The following NXPH1 variants were observed in gnomAD, a reference collection of about 807,000 sequenced individuals.
The protein encoded by NXPH1 is neurexophilin 1.
Under a neutral mutation model 23.7 loss-of-function variants are expected in NXPH1, and 5 were observed. The observed-to-expected ratio is 0.21, with a 90% CI of 0.11 to 0.44. NXPH1 has a LOEUF of 0.44. NXPH1 is among the 20% of genes least tolerant of loss of function. The pLI, the probability that NXPH1 is intolerant of heterozygous loss-of-function variation, is 0.99. For missense variants in NXPH1, 324 were observed against 321.6 expected, an observed-to-expected ratio of 1.01 and a Z score of -0.06; for synonymous variants, 144 against 122.2, an observed-to-expected ratio of 1.18 and a Z score of -1.18.
intron 2 of NXPH1, among the ~76,000 whole-genome samples, chr7:8,631,656 A>G (rs1384812222): frequency 6.6e-6 from 1 of 152,148 alleles, no homozygotes; most frequent in Non-Finnish European, 1.5e-5. Context: ...ATGTCCACGA[A>G]ATGACCACTT....
chr7:8,655,400 TTCTCTCTCTCTCTCTCTC>T (rs869162322), intron 2 of NXPH1, among the ~76,000 whole-genome samples: 134 of 42,892 alleles, frequency 3.1e-3, no homozygotes, highest in African/African-American at 7.2e-3. Context: ...GTCTTTGTCT[TTCTCTCTCTCTCTCTCTC>T]TCTCTCTCTC....
intron 2 of NXPH1, among the ~76,000 whole-genome samples, chr7:8,472,562 G>C (rs1278689513): frequency 3.9e-5 from 6 of 152,124 alleles, no homozygotes; most frequent in African/African-American, 1.4e-4. Flanking sequence ...AGAGACTCCA[G>C]GATCTGGATG....
chr7:8,647,757 A>T (rs2349503), intron 2 of NXPH1, among the ~76,000 whole-genome samples: 105,234 of 149,662 alleles, frequency 0.7, 37,795 homozygotes, highest in East Asian at 1. Flanking sequence ...TTAATCACTG[A>T]TTCAATTTTC....
intron 2 of NXPH1, among the ~76,000 whole-genome samples, chr7:8,471,998 A>T (rs976683795): frequency 6.6e-6 from 1 of 151,680 alleles, no homozygotes; most frequent in African/African-American, 2.4e-5. Context: ...GGCCATAAAA[A>T]TTTAAAATAT....
At position 8,537,959 on chromosome 7, in the gene NXPH1, C is replaced by T. The variant is rs561817907; in HGVS notation, c.54+102192C>T. Among the ~76,000 whole-genome samples the T allele has an allele frequency of 2.6e-5, 4 of 151,814 alleles. No homozygotes were observed. In the South Asian group the frequency reaches 6.2e-4, roughly 24 times the overall value. ...GTGTGAAAGGCGAGGGGAATGGAGCCCTATGATATGCTCCTCCATTTATAA... is the reference window on the plus strand; with the variant it reads ...GTGTGAAAGGCGAGGGGAATGGAGCTCTATGATATGCTCCTCCATTTATAA... On this transcript the variant is annotated intron_variant, in intron 2 of 2. Coordinates refer to ENST00000405863, the MANE Select transcript of NXPH1 (RefSeq NM_152745.3).
chr7:8,511,699 G>A (rs118154440), intron 2 of NXPH1, among the ~76,000 whole-genome samples: 5 of 152,066 alleles, frequency 3.3e-5, no homozygotes, highest in African/African-American at 1.2e-4. Context: ...TACTTTTCTG[G>A]CACCAGTATA....
chr7:8,454,067 C>T (rs1022134216), intron 2 of NXPH1, among the ~76,000 whole-genome samples: 1 of 145,068 alleles, frequency 6.9e-6, no homozygotes, highest in African/African-American at 2.7e-5. Context: ...TCCAGGAGAA[C>T]AACACACACT....
At chr7:8,739,438 C>T (rs1780323634) in intron 2 of NXPH1, among the ~76,000 whole-genome samples, 1 of 152,070 alleles carries the variant, frequency 6.6e-6, no homozygotes, top group Non-Finnish European at 1.5e-5. Flanking sequence ...GGTGAGGCAA[C>T]ACCCCACCCT....
rs145489895 is a variant in NXPH1 at position 8,668,955 on chromosome 7, G to C, written c.55-82053G>C. On this transcript the variant is annotated intron_variant, in intron 2 of 2. Transcript: ENST00000405863. ...CTGGAGCATGGGTCCATGGGGACTG[G>C]CATGAAGCCTGGGTCCTCTGGGGTT... Among the ~76,000 whole-genome samples, 158 of 151,996 alleles carry C rather than the reference G, an allele frequency of 1.0e-3. 3 individuals carry two copies. The highest frequency in any genetic ancestry group is 3.7e-3 in the African/African-American group (154 of 41,470).
intron 2 of NXPH1, among the ~76,000 whole-genome samples, chr7:8,516,010 T>A (rs1817681334): frequency 6.6e-6 from 1 of 152,078 alleles, no homozygotes; most frequent in Non-Finnish European, 1.5e-5. Context: ...TCTGTCTTAG[T>A]CATATATTTT....
intron 2 of NXPH1, among the ~76,000 whole-genome samples, chr7:8,482,290 C>T (rs1466436835): frequency 6.6e-6 from 1 of 152,182 alleles, no homozygotes; most frequent in South Asian, 2.1e-4. Context: ...CTGATTGTGC[C>T]TCAGTGAATG....
At chr7:8,610,191 AG>A (rs370493371) in intron 2 of NXPH1, among the ~76,000 whole-genome samples, 201 of 152,322 alleles carry the variant, frequency 1.3e-3, no homozygotes, top group African/African-American at 4.6e-3. Flanking sequence ...TAAGGGAAGT[AG>A]TAAATATTTT....
At chr7:8,743,945 A>G (rs1407460721) in intron 2 of NXPH1, among the ~76,000 whole-genome samples, 1 of 151,962 alleles carries the variant, frequency 6.6e-6, no homozygotes, top group Non-Finnish European at 1.5e-5. Context: ...CGGCCTCCCA[A>G]AGTGCTGGGA....
At chr7:8,617,027 G>T (rs1284978900) in intron 2 of NXPH1, among the ~76,000 whole-genome samples, 1 of 151,994 alleles carries the variant, frequency 6.6e-6, no homozygotes, top group East Asian at 1.9e-4. Flanking sequence ...TGAGAGCAGT[G>T]GTTCTCAACT....
At chr7:8,479,219 G>T (rs571254626) in intron 2 of NXPH1, among the ~76,000 whole-genome samples, 2 of 152,146 alleles carry the variant, frequency 1.3e-5, no homozygotes, top group East Asian at 3.9e-4. Flanking sequence ...TATTAAAGTG[G>T]GGATACAAAT....
intron 2 of NXPH1, among the ~76,000 whole-genome samples, chr7:8,655,641 ATTATTG>A (rs1820569825): frequency 6.6e-6 from 1 of 151,692 alleles, no homozygotes; most frequent in Non-Finnish European, 1.5e-5. Flanking sequence ...ATTATTGTTG[ATTATTG>A]AAAGATTTTC....
chr7:8,448,147 T>TAACTTCTC (rs1264034157), intron 2 of NXPH1, among the ~76,000 whole-genome samples: 1 of 152,226 alleles, frequency 6.6e-6, no homozygotes, highest in Non-Finnish European at 1.5e-5. Context: ...TGGGCAAGCT[T>TAACTTCTC]AACTTCTCAA....
At chr7:8,687,784 A>G (rs1821170011) in intron 2 of NXPH1, among the ~76,000 whole-genome samples, 2 of 152,158 alleles carry the variant, frequency 1.3e-5, no homozygotes, top group African/African-American at 4.8e-5. Flanking sequence ...AGCTAGTATC[A>G]TTGTCATTGA....
chr7:8,731,701 C>T (rs1359881698), intron 2 of NXPH1, among the ~76,000 whole-genome samples: 2 of 152,232 alleles, frequency 1.3e-5, no homozygotes, highest in Non-Finnish European at 2.9e-5. Flanking sequence ...TGCCCGTTCT[C>T]AGATCTCCAG....
Sources: allele counts gnomAD v4.1 joint callset (sites outside exome capture counted in the v4.1 genomes callset), GRCh38; gene constraint gnomAD v4.1.1; transcripts MANE v1.5; gene names NCBI Gene and HGNC (gene_info 2026-07-23, HGNC 2026-07-21).